Variants in THOP1 observed in about 807,000 individuals in gnomAD.
The protein encoded by THOP1 is thimet oligopeptidase 1.
THOP1 carries 49 observed loss-of-function variants against 71.8 expected under a neutral mutation model. That is an observed-to-expected ratio of 0.68 (90% CI 0.54 to 0.87). The LOEUF is 0.87. THOP1 is among the 40% of genes least tolerant of loss of function. The pLI is 0.00. For synonymous variants in THOP1, 426 were observed against 421.5 expected, an observed-to-expected ratio of 1.01 and a Z score of -0.13; for missense variants, 843 against 975.6, an observed-to-expected ratio of 0.86 and a Z score of 1.81.
intron 2 of THOP1, among the ~76,000 whole-genome samples, chr19:2,794,016 C>CT (rs1279293664): frequency 6.9e-5 from 9 of 130,416 alleles, no homozygotes; most frequent in Admixed American, 1.5e-4. Context: ...TTTTTTTTTT[C>CT]TTTTTTTTTC....
chr19:2,809,632 C>T (rs1916403814), intron 9 of THOP1: 1 of 152,398 alleles, frequency 6.6e-6, no homozygotes, highest in African/African-American at 2.4e-5. Context: ...TTGCACAGCA[C>T]TCGTAGCCAG....
Position 2,801,463 on chromosome 19 carries a change from G to T in THOP1, c.589+1672G>T, listed in dbSNP as rs1916142694. On this transcript the variant is annotated intron_variant, in intron 5 of 12. Transcript: ENST00000307741. The surrounding 1 kb of genome is among the most constrained non-coding windows in gnomAD (Gnocchi z 5.1). Reference sequence around the variant, plus strand: ...GTGCAGGTGGCTTGAGTCCCATGTGGCCAGGTGACACCGTCATGCGGGTGG... The same window carrying T: ...GTGCAGGTGGCTTGAGTCCCATGTGTCCAGGTGACACCGTCATGCGGGTGG... Among the ~76,000 whole-genome samples the T allele has an allele frequency of 1.3e-5, 2 of 152,140 alleles. No homozygotes were observed. The highest frequency in any genetic ancestry group is 4.8e-5 in the African/African-American group (2 of 41,422).
chr19:2,792,941 C>T (rs536197833), intron 2 of THOP1, among the ~76,000 whole-genome samples: 2 of 152,156 alleles, frequency 1.3e-5, no homozygotes, highest in Middle Eastern at 3.4e-3. Context: ...TTTGGGAGGC[C>T]GAGGTGGGCG....
Position 2,785,669 on chromosome 19 carries a change from C to T in THOP1, c.7C>T (p.Pro3Ser), listed in dbSNP as rs745649077. 22 of 1,499,948 alleles carry T rather than the reference C, an allele frequency of 1.5e-5. No individual in the cohort carries two copies. In the South Asian group the frequency reaches 1.8e-4, roughly 12 times the overall value. The allele number at this position is 1,499,948 out of a possible 1,614,324, so 92.9% of individuals were successfully genotyped here. A position where few individuals can be genotyped will look rare whatever the true frequency, so the allele number is the denominator to read the frequency against. MK[P>S]PAACAGDMAD... ...AGGCGCAGACCCACCCGCCATGAAG[C>T]CCCCCGCAGGTACCGACTACCCCGC... Residue 3 changes from proline (P) to serine (S), a missense_variant, in exon 1 of 13, where the codon CCC (proline) becomes TCC (serine). Coordinates refer to ENST00000307741, the MANE Select transcript of THOP1 (RefSeq NM_003249.5).
At position 2,806,798 on chromosome 19, in the gene THOP1, C is replaced by T. The variant is rs1479386073; in HGVS notation, c.751-119C>T. 57 of 1,536,772 alleles carry T rather than the reference C, an allele frequency of 3.7e-5. 3 individuals carry two copies. The South Asian group carries it at 6.7e-4, about 18-fold the overall frequency. On this transcript the variant is annotated intron_variant, in intron 6 of 12. Transcript: ENST00000307741. ...GTGTAGTAACACAGGCCGAGAGGGGCAGGGACCGGAGGTCAGACGGAGCTG... is the reference window on the plus strand; with the variant it reads ...GTGTAGTAACACAGGCCGAGAGGGGTAGGGACCGGAGGTCAGACGGAGCTG...
At chr19:2,802,898 G>A (rs186958754) in intron 5 of THOP1, among the ~76,000 whole-genome samples, 16 of 152,312 alleles carry the variant, frequency 1.1e-4, no homozygotes, top group Non-Finnish European at 1.9e-4. Flanking sequence ...TGCTCAAATC[G>A]TCCCACATGG....
chr19:2,794,642 G>C, intron 2 of THOP1, 122 bp from the exon 3 acceptor site: 1 of 1,254,802 alleles, frequency 8.0e-7, no homozygotes, highest in South Asian at 1.5e-5. Flanking sequence ...TTGGGAGGCT[G>C]AGGCAGGAGA....
intron 2 of THOP1, among the ~76,000 whole-genome samples, chr19:2,792,950 C>T (rs1446685412): frequency 2.6e-5 from 4 of 151,980 alleles, no homozygotes; most frequent in African/African-American, 4.8e-5. Flanking sequence ...CCGAGGTGGG[C>T]GGATGACTTG....
Position 2,805,633 on chromosome 19 carries a change from C to A in THOP1, c.750+457C>A, listed in dbSNP as rs933717682. Among the ~76,000 whole-genome samples, 1 of 152,118 alleles carries A rather than the reference C, an allele frequency of 6.6e-6. No homozygotes were observed. The highest frequency in any genetic ancestry group is 2.4e-5 in the African/African-American group (1 of 41,406). ...TTCCCACAGGGACACATGTAACTGT[C>A]CACGGCGCCATGGTGTGGTCGGTCA... On this transcript the variant is annotated intron_variant, in intron 6 of 12. Transcript: ENST00000307741. The surrounding 1 kb of genome is among the most constrained non-coding windows in gnomAD (Gnocchi z 6.6).
intron 2 of THOP1, among the ~76,000 whole-genome samples, chr19:2,792,400 A>G (rs1042609479): frequency 6.6e-6 from 1 of 151,920 alleles, no homozygotes; most frequent in South Asian, 2.1e-4. Context: ...CCTGAGCTCA[A>G]GCTTCCTGCC....
intron 12 of THOP1, 194 bp downstream of exon 12, chr19:2,811,928 C>A (rs1916485809): frequency 7.6e-7 from 1 of 1,319,286 alleles, no homozygotes. Flanking sequence ...AAAAGCACAC[C>A]TTTGGCCTGG....
In THOP1 at chr19:2,785,621, G is replaced by C. The variant is rs544633003; in HGVS notation, c.-42G>C. 3.3e-6 allele frequency: 5 copies of C among 1,506,422 alleles called. No homozygotes were observed. In the African/African-American group the frequency reaches 7.2e-5, roughly 22 times the overall value. The allele number at this position is 1,506,422 out of a possible 1,614,324, so 93.3% of individuals were successfully genotyped here. A position where few individuals can be genotyped will look rare whatever the true frequency, so the allele number is the denominator to read the frequency against. On this transcript the variant is annotated 5_prime_UTR_variant, in exon 1 of 13. Transcript: ENST00000307741. ...GGCCGAGGTGGCTGGACGCGTAGCA[G>C]GTGGAAGGAGGGAGGGAGCCGCAGG...
chr19:2,796,287 A>G (rs893277144), intron 4 of THOP1, 99 bp downstream of exon 4: 3 of 932,362 alleles, frequency 3.2e-6, no homozygotes, highest in Non-Finnish European at 4.8e-6. Context: ...GGTGGGAGCA[A>G]GAAGCGCAGG....
intron 2 of THOP1, among the ~76,000 whole-genome samples, chr19:2,794,308 C>T (rs1402479114): frequency 6.6e-6 from 1 of 152,226 alleles, no homozygotes; most frequent in African/African-American, 2.4e-5. Context: ...GCCACCACAC[C>T]TGGCCTAAAG....
chr19:2,789,221 CT>C (rs1451299294), intron 1 of THOP1, among the ~76,000 whole-genome samples: 2 of 152,080 alleles, frequency 1.3e-5, no homozygotes, highest in African/African-American at 2.4e-5. Flanking sequence ...CCTGGGTCCT[CT>C]GCAGAACTGT....
intron 9 of THOP1, 97 bp from the exon 10 acceptor site, chr19:2,810,207 T>A: frequency 8.6e-6 from 12 of 1,397,190 alleles, no homozygotes; most frequent in Admixed American, 2.2e-5. Context: ...ACCTGTGCAC[T>A]CGCCCTGTTT....
At position 2,793,685 on chromosome 19, in the gene THOP1, G is replaced by A. The variant is rs116726007; in HGVS notation, c.230-1079G>A. 7.3e-3 allele frequency among the ~76,000 whole-genome samples: 1,109 copies of A among 152,014 alleles called. 17 individuals are homozygous for A. The highest frequency in any genetic ancestry group is 0.025 in the African/African-American group (1,048 of 41,482). ...AGCTTGGGCAACAGAGTGACACTTC[G>A]TCTCAAAAAAAAACAAATGGCATCA... On this transcript the variant is annotated intron_variant, in intron 2 of 12. Coordinates refer to ENST00000307741, the MANE Select transcript of THOP1 (RefSeq NM_003249.5).
In THOP1 at chr19:2,811,833, T is replaced by TCCTGAACGGCAAGGTACGCGGGGACC. The variant is rs1568327387; in HGVS notation, c.1908+99_1908+100insCCTGAACGGCAAGGTACGCGGGGACC. On this transcript the variant is annotated intron_variant, in intron 12 of 12. Coordinates refer to ENST00000307741, the MANE Select transcript of THOP1 (RefSeq NM_003249.5). ...CCTGAATGGCAAGGTACGCGGGGAC[T>TCCTGAACGGCAAGGTACGCGGGGACC]GGGGACAGGGAGGGCGTCCTGAACG... is the stretch of plus-strand genomic sequence containing the variant. 2.2e-5 allele frequency: 14 copies of TCCTGAACGGCAAGGTACGCGGGGACC among 622,332 alleles called. 1 individual carries two copies. The highest frequency in any genetic ancestry group is 3.6e-5 in the South Asian group (1 of 27,728). 38.6% of individuals were successfully genotyped at this position (622,332 alleles called of 1,614,324 possible).
rs1461184507 is a variant in THOP1, at chr19:2,805,805, G to A, written c.750+629G>A. On this transcript the variant is annotated intron_variant, in intron 6 of 12. Transcript: ENST00000307741. This position sits in a 1 kb window ranked among gnomAD's most constrained non-coding sequence, Gnocchi z 6.6. The stretch of plus-strand genomic sequence containing the variant: ...CTGATCACTGCAAAGGGATGGGCGG[G>A]CACTGATCACTGCAAGGGGACGGGC... Among the ~76,000 whole-genome samples the A allele has an allele frequency of 1.3e-5, 2 of 151,800 alleles. No homozygotes were observed. The highest frequency in any genetic ancestry group is 2.9e-5 in the Non-Finnish European group (2 of 67,918).
Sources: gnomAD v4.1 joint callset for allele counts (sites outside exome capture counted in the v4.1 genomes callset) on GRCh38, gnomAD v4.1.1 for gene constraint, Gnocchi (gnomAD v3.1) non-coding constraint, MANE v1.5 for transcripts, NCBI Gene and HGNC (gene_info 2026-07-23, HGNC 2026-07-21) for gene names.